The following MROH7 variants were observed in gnomAD, a reference collection of about 807,000 sequenced individuals.
The protein encoded by MROH7 is maestro heat-like repeat-containing protein family member 7.
A neutral mutation model predicts 129.2 loss-of-function variants in MROH7; 113 were observed. The ratio of observed to expected loss-of-function variants is 0.87; its 90% CI spans 0.75 to 1.02. The LOEUF is 1.02. Ranked by LOEUF, MROH7 falls within the 50% of genes least tolerant of loss-of-function variation. The pLI, the probability that MROH7 is intolerant of heterozygous loss-of-function variation, is 0.00. For missense variants in MROH7, 1,601 were observed against 1,671.3 expected (o/e 0.96, Z 0.73); for synonymous variants, 655 against 667.9 (o/e 0.98, Z 0.30).
intron 3 of MROH7, among the ~76,000 whole-genome samples, chr1:54,657,062 T>C (rs965523743): frequency 2.7e-5 from 4 of 150,534 alleles, no homozygotes; most frequent in African/African-American, 9.7e-5. Flanking sequence ...TTTTTTTTTT[T>C]TTTTAGACAT....
intron 16 of MROH7, among the ~76,000 whole-genome samples, chr1:54,693,989 C>A (rs1645280620): frequency 6.6e-6 from 1 of 152,202 alleles, no homozygotes; most frequent in South Asian, 2.1e-4. Context: ...TCAAGCGATT[C>A]TCCTGCCTCA....
At position 54,706,655 on chromosome 1, in the gene MROH7, G is replaced by A. The variant is rs913717006; in HGVS notation, c.3667+118G>A. ...GGGGGATGCTTCCCTTTGGGTGCAA[G>A]GCTTGGCCACCAGACAGCCATGGTG... is the stretch of plus-strand genomic sequence containing the variant. On this transcript the variant is annotated intron_variant, in intron 22 of 23. Transcript: ENST00000421030. The A allele has an allele frequency of 1.9e-5, 14 of 720,200 alleles. No homozygotes were observed. In the African/African-American group the frequency reaches 2.1e-4, roughly 11 times the overall value. The allele number at this position is 720,200 out of a possible 1,614,324, so 44.6% of individuals were successfully genotyped here. A position where few individuals can be genotyped will look rare whatever the true frequency, so the allele number is the denominator to read the frequency against.
chr1:54,677,416 C>CAAAACAAAACAAACAAAACA (rs1644999633), intron 10 of MROH7, among the ~76,000 whole-genome samples: 1 of 152,038 alleles, frequency 6.6e-6, no homozygotes, highest in Non-Finnish European at 1.5e-5. Flanking sequence ...ACAAACAAAA[C>CAAAACAAAACAAACAAAACA]AAAACAAAAC....
chr1:54,658,949 G>T (rs957620461), intron 3 of MROH7, among the ~76,000 whole-genome samples: 1 of 152,198 alleles, frequency 6.6e-6, no homozygotes, highest in Admixed American at 6.5e-5. Flanking sequence ...ATGGGGGTTG[G>T]GGGGACAACT....
chr1:54,655,545 T>C (rs1372329234), intron 3 of MROH7, among the ~76,000 whole-genome samples: 1 of 150,956 alleles, frequency 6.6e-6, no homozygotes, highest in African/African-American at 2.4e-5. Context: ...CTGAGTAATT[T>C]TATTTTTTAT....
At chr1:54,649,075 G>A (rs1280148550) in intron 1 of MROH7, among the ~76,000 whole-genome samples, 1 of 152,176 alleles carries the variant, frequency 6.6e-6, no homozygotes, top group Non-Finnish European at 1.5e-5. Flanking sequence ...GTGTGTGAGT[G>A]TATAGGTACT....
chr1:54,690,160 C>A (rs1007365115), intron 15 of MROH7, among the ~76,000 whole-genome samples: 1 of 152,152 alleles, frequency 6.6e-6, no homozygotes, highest in Non-Finnish European at 1.5e-5. Context: ...AGAGCCACCC[C>A]ACCACCCACA....
intron 14 of MROH7, among the ~76,000 whole-genome samples, chr1:54,683,877 AAATCTGTACGT>A (rs1362964105): frequency 6.6e-6 from 1 of 152,230 alleles, no homozygotes; most frequent in African/African-American, 2.4e-5. Context: ...TGACCTGGTC[AAATCTGTACGT>A]AGTATATTTT....
chr1:54,672,673 C>T (rs1375741244), intron 7 of MROH7, among the ~76,000 whole-genome samples: 2 of 152,204 alleles, frequency 1.3e-5, no homozygotes, highest in African/African-American at 4.8e-5. Context: ...AGCATTTTCT[C>T]ATCCATCCTC....
At chr1:54,643,702 A>G (rs891473886) in intron 1 of MROH7, among the ~76,000 whole-genome samples, 50 of 152,228 alleles carry the variant, frequency 3.3e-4, no homozygotes, top group African/African-American at 1.2e-3. Flanking sequence ...CCACACCCCA[A>G]CATTTGAACA....
At chr1:54,661,615 GAC>G (rs374401579) in intron 3 of MROH7, among the ~76,000 whole-genome samples, 7 of 122,798 alleles carry the variant, frequency 5.7e-5, no homozygotes, top group African/African-American at 2.0e-4. Context: ...TTTATTTTGA[GAC>G]AGAGTTTTGC....
At chr1:54,705,418 G>A (rs1158852818) in intron 21 of MROH7, among the ~76,000 whole-genome samples, 17 of 152,206 alleles carry the variant, frequency 1.1e-4, no homozygotes. Context: ...CCGAGATACA[G>A]TGGGGGGACA....
At chr1:54,678,166 T>C (rs1488425862) in intron 10 of MROH7, among the ~76,000 whole-genome samples, 1 of 152,214 alleles carries the variant, frequency 6.6e-6, no homozygotes, top group Non-Finnish European at 1.5e-5. Flanking sequence ...TAGCCGAACC[T>C]ATGCTTAGAC....
At chr1:54,709,352 G>C (rs1215928253) in intron 23 of MROH7, among the ~76,000 whole-genome samples, 1 of 152,210 alleles carries the variant, frequency 6.6e-6, no homozygotes, top group Non-Finnish European at 1.5e-5. Context: ...GCAAGTAGCT[G>C]AGACTGCAGG....
intron 3 of MROH7, among the ~76,000 whole-genome samples, chr1:54,660,729 C>A (rs1284528407): frequency 1.3e-5 from 2 of 152,088 alleles, no homozygotes; most frequent in African/African-American, 4.8e-5. Context: ...GCAAGAGAAT[C>A]ACTTGAACCC....
chr1:54,702,904 C>T (rs2101225627), intron 21 of MROH7, among the ~76,000 whole-genome samples, 159 bp downstream of exon 21: 1 of 152,290 alleles, frequency 6.6e-6, no homozygotes, highest in East Asian at 1.9e-4. Flanking sequence ...GGCTTCTCTC[C>T]TGACTTCTAG....
Position 54,674,599 on chromosome 1 carries a change from T to A in MROH7, c.1936+448T>A, listed in dbSNP as rs114589274. 6.8e-3 allele frequency among the ~76,000 whole-genome samples: 1,041 copies of A among 152,318 alleles called. 12 individuals are homozygous for A. The highest frequency in any genetic ancestry group is 0.024 in the African/African-American group (981 of 41,554). On this transcript the variant is annotated intron_variant, in intron 10 of 23. Transcript: ENST00000421030. ...ATGGTGGGTGCTCAGTGAATATCTA[T>A]TGAATGAATGAATAAAGAACAGCTT...
Position 54,654,165 on chromosome 1 carries a change from C to T in MROH7, c.1231+8C>T. ...TGCAAGGCATCCCTGAGGGTAAGGC[C>T]AGGGCCGCAGCCCTAGAGAGAGCAC... On this transcript the variant is annotated splice_region_variant and intron_variant, in intron 3 of 23. Transcript: ENST00000421030. The T allele has an allele frequency of 6.3e-7, 1 of 1,595,192 alleles. No homozygotes were observed. Among genetic ancestry groups the T allele is most frequent in the Non-Finnish European group, 8.5e-7 (1 of 1,171,062 alleles).
rs1644592198 is a variant in MROH7 at position 54,653,555 on chromosome 1, TG to T, written c.631del (p.Asp211ThrfsTer18). Reference protein sequence around the residue: ...ALLIPTSNSSLDLDSNPLLNM... With the variant: ...ALLIPTSNSSXDLDSNPLLNM... ...CTTATTCCAACCTCAAACTCTTCTC[TG>T]GACCTTGACTCCAATCCATTGCTCA... On this transcript the variant is annotated frameshift_variant, in exon 3 of 24. Transcript: ENST00000421030. LOFTEE classifies it high-confidence loss of function. 1 of 1,614,104 alleles carries T rather than the reference TG, an allele frequency of 6.2e-7. No homozygotes were observed. The highest frequency in any genetic ancestry group is 1.7e-5 in the Admixed American group (1 of 59,998).
Sources: gnomAD v4.1 joint callset for allele counts (sites outside exome capture counted in the v4.1 genomes callset) on GRCh38, gnomAD v4.1.1 for gene constraint, MANE v1.5 for transcripts, NCBI Gene and HGNC (gene_info 2026-07-23, HGNC 2026-07-21) for gene names.